Variants in NRXN1 observed in about 807,000 individuals in gnomAD.
The protein encoded by NRXN1 is neurexin-1.
A neutral mutation model predicts 150.9 loss-of-function variants in NRXN1; 39 were observed. That is an observed-to-expected ratio of 0.26 (90% CI 0.20 to 0.34). The LOEUF (loss-of-function observed/expected upper bound fraction) is 0.34, where lower values mean the gene tolerates loss of function less well. Ranked by LOEUF, NRXN1 falls within the 10% of genes least tolerant of loss-of-function variation. The pLI is 1.00. For missense variants in NRXN1, 1,815 were observed against 1,949.9 expected, an observed-to-expected ratio of 0.93 and a Z score of 1.30; for synonymous variants, 924 against 757.0, an observed-to-expected ratio of 1.22 and a Z score of -3.62.
intron 17 of NRXN1, among the ~76,000 whole-genome samples, chr2:50,371,922 C>A (rs13428231): frequency 9.9e-5 from 15 of 151,944 alleles, no homozygotes; most frequent in Admixed American, 7.2e-4. Flanking sequence ...AACCAACCAC[C>A]TCTCATGTTA....
chr2:49,928,023 A>G (rs1054282438), intron 22 of NRXN1, among the ~76,000 whole-genome samples: 1 of 152,134 alleles, frequency 6.6e-6, no homozygotes, highest in Admixed American at 6.5e-5. Flanking sequence ...TAAGAGTATC[A>G]TTATAACCTG....
At chr2:50,351,299 G>A (rs1409802588) in intron 17 of NRXN1, among the ~76,000 whole-genome samples, 1 of 152,158 alleles carries the variant, frequency 6.6e-6, no homozygotes, top group Non-Finnish European at 1.5e-5. Flanking sequence ...TGTACCCCAA[G>A]AGTGTCAGTG....
intron 5 of NRXN1, among the ~76,000 whole-genome samples, chr2:50,651,821 G>T (rs957302000): frequency 2.0e-5 from 3 of 151,828 alleles, no homozygotes; most frequent in Admixed American, 1.3e-4. Flanking sequence ...GCAATTTTCT[G>T]GTCCTAATTA....
In NRXN1 at chr2:50,347,446, A is replaced by G. The variant is rs201109267; in HGVS notation, c.3365-110476T>C. 7.9e-6 allele frequency: 9 copies of G among 1,133,608 alleles called. No homozygotes were observed. The highest frequency in any genetic ancestry group is 9.3e-5 in the East Asian group (1 of 10,722). The allele number at this position is 1,133,608 out of a possible 1,614,324, so 70.2% of individuals were successfully genotyped here. A position where few individuals can be genotyped will look rare whatever the true frequency, so the allele number is the denominator to read the frequency against. On this transcript the variant is annotated intron_variant, in intron 17 of 22. Coordinates refer to ENST00000401669, the MANE Select transcript of NRXN1 (RefSeq NM_001330078.2). The surrounding 1 kb of genome is among the most constrained non-coding windows in gnomAD (Gnocchi z 4.9). ...CTAGGGAGGCCACTTCGCCGGCCCA[A>G]CCTCCTTTCAAGACAGAAGCAGACC... is the stretch of plus-strand genomic sequence containing the variant.
intron 19 of NRXN1, among the ~76,000 whole-genome samples, chr2:50,073,545 T>C (rs1696609141): frequency 6.6e-6 from 1 of 152,208 alleles, no homozygotes; most frequent in South Asian, 2.1e-4. Flanking sequence ...TCTATTCCTT[T>C]CAAATCCTGC....
At chr2:50,139,209 C>T (rs1236944421) in intron 18 of NRXN1, among the ~76,000 whole-genome samples, 1 of 151,764 alleles carries the variant, frequency 6.6e-6, no homozygotes, top group East Asian at 1.9e-4. Context: ...GCCAGTAATC[C>T]CAGCTACTTG....
intron 17 of NRXN1, among the ~76,000 whole-genome samples, chr2:50,373,711 G>GAAAGAAAGAAAGAAAGAAAGAAAGAA (rs71404950): frequency 8.6e-4 from 74 of 86,272 alleles, no homozygotes; most frequent in East Asian, 4.0e-3. Context: ...AAGAAAGAAA[G>GAAAGAAAGAAAGAAAGAAAGAAAGAA]AGAAAGAAAG....
intron 2 of NRXN1, among the ~76,000 whole-genome samples, chr2:50,932,772 T>C (rs1486204117): frequency 2.0e-5 from 3 of 152,036 alleles, no homozygotes; most frequent in Non-Finnish European, 4.4e-5. Flanking sequence ...ACACACAAAA[T>C]ATAACTACTG....
chr2:50,044,351 G>A (rs749765139), intron 21 of NRXN1, among the ~76,000 whole-genome samples: 2 of 152,172 alleles, frequency 1.3e-5, no homozygotes, highest in South Asian at 2.1e-4. Flanking sequence ...TAAGGGGGCC[G>A]AGGCTACCAA....
intron 6 of NRXN1, 64 bp from the exon 7 acceptor site, chr2:50,621,313 A>AG: frequency 7.9e-7 from 1 of 1,258,638 alleles, no homozygotes; most frequent in Non-Finnish European, 1.1e-6. Flanking sequence ...TCGTTACTTA[A>AG]AAAATATGAT....
intron 17 of NRXN1, among the ~76,000 whole-genome samples, chr2:50,238,968 GA>G (rs2065733282): frequency 1.3e-5 from 2 of 152,048 alleles, no homozygotes; most frequent in South Asian, 4.1e-4. Flanking sequence ...TCTCTTTCAA[GA>G]GAGAAAAGGC....
At chr2:50,281,302 G>C (rs2071424773) in intron 17 of NRXN1, among the ~76,000 whole-genome samples, 1 of 146,168 alleles carries the variant, frequency 6.8e-6, no homozygotes, top group Non-Finnish European at 1.5e-5. Context: ...CGGTGACAGA[G>C]CAAGACTCCG....
chr2:50,035,107 A>C (rs1054750880), intron 21 of NRXN1, among the ~76,000 whole-genome samples: 2 of 152,162 alleles, frequency 1.3e-5, no homozygotes, highest in Non-Finnish European at 2.9e-5. Context: ...CTCAGGAAGA[A>C]ATAAAAGAAT....
At chr2:51,024,494 GC>G (rs138864357) in intron 2 of NRXN1, among the ~76,000 whole-genome samples, 1,880 of 152,170 alleles carry the variant, frequency 0.012, 50 homozygotes, top group African/African-American at 0.043. Flanking sequence ...CCCAGGTTCT[GC>G]CACTAACCTG....
At chr2:50,443,457 G>A (rs2086141600) in intron 17 of NRXN1, among the ~76,000 whole-genome samples, 1 of 152,150 alleles carries the variant, frequency 6.6e-6, no homozygotes, top group South Asian at 2.1e-4. Context: ...AGCAGCTCAT[G>A]TTCTTATTAT....
At chr2:50,331,895 C>G (rs1042528710) in intron 17 of NRXN1, among the ~76,000 whole-genome samples, 5 of 152,148 alleles carry the variant, frequency 3.3e-5, no homozygotes, top group Non-Finnish European at 7.4e-5. Flanking sequence ...ACATTATAAT[C>G]TCTTAAAGTG....
intron 18 of NRXN1, among the ~76,000 whole-genome samples, chr2:50,108,729 C>T (rs1297225519): frequency 6.6e-6 from 1 of 152,114 alleles, no homozygotes; most frequent in African/African-American, 2.4e-5. Context: ...CAACTGCCAA[C>T]ATCATGCTTA....
intron 5 of NRXN1, among the ~76,000 whole-genome samples, chr2:50,816,661 A>T (rs1668983643): frequency 1.3e-5 from 2 of 152,152 alleles, no homozygotes; most frequent in Admixed American, 1.3e-4. Context: ...ATCTGCTAAA[A>T]GAGAAAGCCT....
At chr2:50,425,093 C>T (rs2084373457) in intron 17 of NRXN1, among the ~76,000 whole-genome samples, 1 of 152,046 alleles carries the variant, frequency 6.6e-6, no homozygotes, top group Non-Finnish European at 1.5e-5. Flanking sequence ...GTGCATTTTG[C>T]CAGAAAAATA....
Sources: allele counts gnomAD v4.1 joint callset (sites outside exome capture counted in the v4.1 genomes callset), GRCh38; gene constraint gnomAD v4.1.1; non-coding constraint Gnocchi (gnomAD v3.1); transcripts MANE v1.5; gene names NCBI Gene and HGNC (gene_info 2026-07-23, HGNC 2026-07-21).